Variants in ADARB2 observed in about 807,000 individuals in gnomAD.
ADARB2 encodes the protein inactive double-stranded RNA-specific editase B2.
Under a neutral mutation model 62.2 loss-of-function variants are expected in ADARB2, and 25 were observed. The ratio of observed to expected loss-of-function variants is 0.40; its 90% CI spans 0.29 to 0.56. The LOEUF (loss-of-function observed/expected upper bound fraction) is 0.56. Among genes scored for constraint, ADARB2 ranks in the 20% least tolerant of loss-of-function variants. The pLI is 0.43. For missense variants in ADARB2, 1,071 were observed against 1,077.4 expected (o/e 0.99, Z 0.08); for synonymous variants, 572 against 500.8 (o/e 1.14, Z -1.90).
At chr10:1,613,201 T>C (rs1195362514) in intron 1 of ADARB2, among the ~76,000 whole-genome samples, 1 of 152,224 alleles carries the variant, frequency 6.6e-6, no homozygotes. Context: ...GGCGTTTACT[T>C]ACAGGAAGCA....
chr10:1,702,225 T>C (rs546141040), intron 1 of ADARB2, among the ~76,000 whole-genome samples: 1 of 152,238 alleles, frequency 6.6e-6, no homozygotes, highest in Non-Finnish European at 1.5e-5. Context: ...CAGACTTAAG[T>C]ATGAGAACAA....
intron 1 of ADARB2, among the ~76,000 whole-genome samples, chr10:1,589,235 T>C (rs185500227): frequency 1.6e-3 from 243 of 152,326 alleles, no homozygotes; most frequent in African/African-American, 5.5e-3. Context: ...TACTTTCATA[T>C]GGGAACCTAC....
At chr10:1,514,284 G>T (rs116433325) in intron 1 of ADARB2, among the ~76,000 whole-genome samples, 30 of 150,194 alleles carry the variant, frequency 2.0e-4, no homozygotes, top group African/African-American at 7.3e-4. Context: ...TGTTCAGAAG[G>T]ACGGCTCTGA....
At chr10:1,671,614 G>C (rs940841800) in intron 1 of ADARB2, among the ~76,000 whole-genome samples, 4 of 152,132 alleles carry the variant, frequency 2.6e-5, no homozygotes, top group Admixed American at 2.0e-4. Context: ...TCTGTCACCT[G>C]TTCCAGTCCT....
At chr10:1,303,507 A>G (rs1831595063) in intron 3 of ADARB2, among the ~76,000 whole-genome samples, 1 of 152,202 alleles carries the variant, frequency 6.6e-6, no homozygotes, top group Admixed American at 6.5e-5. Context: ...GCCAACGTTC[A>G]GATTCGGGAA....
chr10:1,242,695 C>T (rs1027638238), intron 4 of ADARB2, among the ~76,000 whole-genome samples: 2 of 152,196 alleles, frequency 1.3e-5, no homozygotes, highest in Admixed American at 1.3e-4. Context: ...CCTCTAACCA[C>T]CTTTGTGCTT....
chr10:1,645,988 T>G (rs1693073385), intron 1 of ADARB2, among the ~76,000 whole-genome samples: 1 of 152,110 alleles, frequency 6.6e-6, no homozygotes, highest in South Asian at 2.1e-4. Flanking sequence ...AAACAGATAA[T>G]GACAAATCAC....
At chr10:1,555,809 C>T (rs1435109106) in intron 1 of ADARB2, among the ~76,000 whole-genome samples, 1 of 152,124 alleles carries the variant, frequency 6.6e-6, no homozygotes, top group Non-Finnish European at 1.5e-5. Flanking sequence ...ATGGCGTGCG[C>T]CTGTAACCCC....
At chr10:1,663,656 G>C (rs371307392) in intron 1 of ADARB2, among the ~76,000 whole-genome samples, 75 of 150,778 alleles carry the variant, frequency 5.0e-4, no homozygotes, top group African/African-American at 1.8e-3. Flanking sequence ...GTCTCGCTCT[G>C]TCACCCAGGC....
rs1831708045 is a variant in ADARB2, at chr10:1,313,221, G to T, written c.1078-42152C>A. Among the ~76,000 whole-genome samples, 5 of 152,244 alleles carry T rather than the reference G, an allele frequency of 3.3e-5. No homozygotes were observed. In the South Asian group the frequency reaches 1.0e-3, roughly 32 times the overall value. ...CATTGGGGGACAGCTTTGGGGAGAA[G>T]GGTGAAGGGGGATGGGCCCTGAGTG... On this transcript the variant is annotated intron_variant, in intron 3 of 9. Transcript: ENST00000381312.
chr10:1,339,515 G>C (rs759570629), intron 3 of ADARB2, among the ~76,000 whole-genome samples: 1 of 152,220 alleles, frequency 6.6e-6, no homozygotes, highest in Non-Finnish European at 1.5e-5. Flanking sequence ...CGTTTGCTCT[G>C]ATTACAGAAG....
intron 1 of ADARB2, among the ~76,000 whole-genome samples, chr10:1,638,637 G>A (rs1364464938): frequency 1.3e-5 from 2 of 152,100 alleles, no homozygotes; most frequent in African/African-American, 2.4e-5. Flanking sequence ...ACAACAAGCC[G>A]ATGAGGCAGA....
rs1264985629 is a variant in ADARB2, at chr10:1,179,704, G to A, written c.*3489C>T. On this transcript the variant is annotated 3_prime_UTR_variant, in exon 10 of 10. Coordinates refer to ENST00000381312, the MANE Select transcript of ADARB2 (RefSeq NM_018702.4). Reference sequence around the variant, plus strand: ...GCTGGTTTTATGAGGACTTTTGTAGGGGCCTAAGCAGGCATGAATATAGAC... The same window carrying A: ...GCTGGTTTTATGAGGACTTTTGTAGAGGCCTAAGCAGGCATGAATATAGAC... 6.6e-6 allele frequency: 1 copy of A among 152,228 alleles called. No individual in the cohort carries two copies. The highest frequency in any genetic ancestry group is 1.5e-5 in the Non-Finnish European group (1 of 68,046). 9.4% of individuals were successfully genotyped at this position (152,228 alleles called of 1,614,324 possible). A position where few individuals can be genotyped will look rare whatever the true frequency, so the allele number is the denominator to read the frequency against.
chr10:1,555,768 C>T (rs978747159), intron 1 of ADARB2, among the ~76,000 whole-genome samples: 2 of 152,130 alleles, frequency 1.3e-5, no homozygotes, highest in Non-Finnish European at 2.9e-5. Flanking sequence ...AACCCTGTCT[C>T]TACTAAAAAT....
At chr10:1,291,573 G>C (rs1390968291) in intron 3 of ADARB2, 1 of 152,132 alleles carries the variant, frequency 6.6e-6, no homozygotes, top group Admixed American at 6.5e-5. Context: ...TTACATACCC[G>C]ATGTCCCTGG....
chr10:1,395,006 A>C (rs1832599500), intron 1 of ADARB2: 4 of 453,722 alleles, frequency 8.8e-6, no homozygotes, highest in South Asian at 6.2e-5. Flanking sequence ...TGCAGCCTCG[A>C]ACTCCTGGGC....
chr10:1,363,845 T>A lies in ADARB2; in HGVS notation c.260A>T (p.Asp87Val), dbSNP rs1213538778. ...NLAARPPPSG[D>V]RARGGAPGAK... ...GCCGGGCGCGCCGCCCCGGGCCCGG[T>A]CCCCGGAGGGCGGTGGCCGCGCGGC... Residue 87 changes from aspartate to valine, a missense_variant, in exon 3 of 10, where the codon GAC becomes GTC. Coordinates refer to ENST00000381312, the MANE Select transcript of ADARB2 (RefSeq NM_018702.4). The A allele has an allele frequency of 2.6e-6, 4 of 1,549,908 alleles. No homozygotes were observed. The highest frequency in any genetic ancestry group is 3.5e-6 in the Non-Finnish European group (4 of 1,155,214).
intron 7 of ADARB2, among the ~76,000 whole-genome samples, chr10:1,210,575 G>A (rs767781710): frequency 2.0e-5 from 3 of 152,334 alleles, no homozygotes; most frequent in Non-Finnish European, 2.9e-5. Flanking sequence ...AGTCGTCTGC[G>A]TGGCACGTCA....
chr10:1,331,293 A>C (rs1457423479), intron 3 of ADARB2, among the ~76,000 whole-genome samples: 3 of 152,234 alleles, frequency 2.0e-5, no homozygotes. Context: ...ACATAAAACC[A>C]CATATTCAAG....
Sources: gnomAD v4.1 joint callset for allele counts (sites outside exome capture counted in the v4.1 genomes callset) on GRCh38, gnomAD v4.1.1 for gene constraint, MANE v1.5 for transcripts, NCBI Gene and HGNC (gene_info 2026-07-23, HGNC 2026-07-21) for gene names.